Variants in EMX1 observed in about 807,000 individuals in gnomAD.
EMX1 encodes the protein homeobox protein EMX1.
A neutral mutation model predicts 20.1 loss-of-function variants in EMX1; 10 were observed. The observed-to-expected ratio is 0.50, with a 90% CI of 0.31 to 0.84. The LOEUF is 0.84. EMX1 is among the 40% of genes least tolerant of loss of function. The pLI, the probability that EMX1 is intolerant of heterozygous loss-of-function variation, is 0.05. For missense variants in EMX1, 424 were observed against 431.9 expected (o/e 0.98, Z 0.16); for synonymous variants, 250 against 200.4 (o/e 1.25, Z -2.09).
At chr2:72,925,760 C>G (rs934283415) in intron 2 of EMX1, 1 of 985,454 alleles carries the variant, frequency 1.0e-6, no homozygotes, top group Non-Finnish European at 1.2e-6. Context: ...CAGCTTTCTT[C>G]GGCGGACCTT....
Position 72,924,296 on chromosome 2 carries a change from G to T in EMX1, c.521-13G>T. On this transcript the variant is annotated splice_polypyrimidine_tract_variant and intron_variant, in intron 1 of 2. Coordinates refer to ENST00000258106, the MANE Select transcript of EMX1 (RefSeq NM_004097.3). The stretch of plus-strand genomic sequence containing the variant: ...TGTACCTGCGTGTGTTGCCGTCGGC[G>T]GCGGGGCCGCAGCCAGCGACGTGCC... 1 of 1,556,304 alleles carries T rather than the reference G, an allele frequency of 6.4e-7. No individual in the cohort carries two copies. The highest frequency in any genetic ancestry group is 8.6e-7 in the Non-Finnish European group (1 of 1,158,416).
intron 2 of EMX1, chr2:72,932,947 G>C: frequency 6.6e-6 from 1 of 152,310 alleles, no homozygotes; most frequent in East Asian, 1.9e-4. Flanking sequence ...TGCCCGTGAA[G>C]GGCAGAATGC....
At chr2:72,931,937 G>C (rs1301008039) in intron 2 of EMX1, among the ~76,000 whole-genome samples, 3 of 152,334 alleles carry the variant, frequency 2.0e-5, no homozygotes, top group Non-Finnish European at 4.4e-5. Flanking sequence ...GGGTAGGTGG[G>C]ACAGAGAGGA....
chr2:72,918,251 G>A lies in EMX1; in HGVS notation c.399G>A (p.Ala133=), dbSNP rs201380329. ...ACCCCGCGCTGACCGTGCATCCGGC[G>A]CACCAGCTGGGCGCCTCCCCGCTGC... ...MNHPALTVHP[A]HQLGASPLQP... Residue 133 remains alanine, a synonymous_variant, in exon 1 of 3, where the codon GCG becomes GCA. Transcript: ENST00000258106. 2.4e-5 allele frequency: 38 copies of A among 1,578,886 alleles called. No homozygotes were observed. In the African/African-American group the frequency reaches 3.9e-4, roughly 16 times the overall value.
chr2:72,919,406 A>C (rs1254017238), intron 1 of EMX1, among the ~76,000 whole-genome samples: 2 of 152,116 alleles, frequency 1.3e-5, no homozygotes, highest in Admixed American at 1.3e-4. Context: ...AGACCAGACC[A>C]CAGCCTTGTG....
At chr2:72,933,717 G>C in intron 2 of EMX1, 70 bp from the exon 3 acceptor site, 1 of 1,577,390 alleles carries the variant, frequency 6.3e-7, no homozygotes, top group Admixed American at 1.8e-5. Context: ...CAGCCTGAGT[G>C]TTGAGGCCCC....
chr2:72,920,609 C>T (rs185879551), intron 1 of EMX1, among the ~76,000 whole-genome samples: 2 of 152,202 alleles, frequency 1.3e-5, no homozygotes, highest in African/African-American at 4.8e-5. Flanking sequence ...ATTTCAGCCC[C>T]GTCTTAATGC....
chr2:72,918,499 G>A, intron 1 of EMX1, 127 bp downstream of exon 1: 1 of 1,249,410 alleles, frequency 8.0e-7, no homozygotes, highest in Non-Finnish European at 1.0e-6. Context: ...GTCCGCGGAG[G>A]TAGATTCCCA....
At chr2:72,926,220 C>A (rs1671198145) in intron 2 of EMX1, 1 of 985,350 alleles carries the variant, frequency 1.0e-6, no homozygotes, top group Non-Finnish European at 1.2e-6. Context: ...TCAGTGAGAG[C>A]ATTTTTAATT....
intron 1 of EMX1, among the ~76,000 whole-genome samples, chr2:72,919,416 G>A (rs998514579): frequency 3.9e-5 from 6 of 152,076 alleles, no homozygotes; most frequent in African/African-American, 1.2e-4. Flanking sequence ...ACAGCCTTGT[G>A]AGAAGGGTCT....
rs1671160464 is a variant in EMX1 at position 72,924,498 on chromosome 2, T to A, written c.705+5T>A. ...CTCAGCCTCTCCGAGACGCAGGTAA[T>A]CACCCCCGGTCGCGGCCTGCCCTGC... On this transcript the variant is annotated splice_donor_5th_base_variant and intron_variant, in intron 2 of 2. Transcript: ENST00000258106. 1 of 1,574,164 alleles carries A rather than the reference T, an allele frequency of 6.4e-7. No individual in the cohort carries two copies. Among genetic ancestry groups the A allele is most frequent in the Non-Finnish European group, 8.6e-7 (1 of 1,164,992 alleles).
chr2:72,922,593 G>A lies in EMX1; in HGVS notation c.521-1716G>A, dbSNP rs148850692. Among the ~76,000 whole-genome samples the A allele has an allele frequency of 1.9e-3, 288 of 152,338 alleles. 4 individuals are homozygous for A. Among genetic ancestry groups the A allele is most frequent in the Middle Eastern group, 0.014 (4 of 292 alleles). ...ATAAGGTGACTGGAGATTATTGACT[G>A]ACCCCTTCCAGGCACTAGCCCCGCA... On this transcript the variant is annotated intron_variant, in intron 1 of 2. Coordinates refer to ENST00000258106, the MANE Select transcript of EMX1 (RefSeq NM_004097.3).
chr2:72,932,000 G>T lies in EMX1; in HGVS notation c.706-1787G>T, dbSNP rs543359200. On this transcript the variant is annotated intron_variant, in intron 2 of 2. Coordinates refer to ENST00000258106, the MANE Select transcript of EMX1 (RefSeq NM_004097.3). ...CCTCCTGGGCATGAAACCATCTGCA[G>T]GGCACAGGGGCCAGGCCTGCCTCTG... is the stretch of plus-strand genomic sequence containing the variant. Among the ~76,000 whole-genome samples the T allele has an allele frequency of 2.0e-5, 3 of 152,354 alleles. No homozygotes were observed. The South Asian group carries it at 6.2e-4, about 32-fold the overall frequency.
At chr2:72,919,745 CTT>C (rs144882143) in intron 1 of EMX1, among the ~76,000 whole-genome samples, 4,479 of 152,292 alleles carry the variant, frequency 0.029, 211 homozygotes, top group African/African-American at 0.1. Context: ...CTTGCCTCCT[CTT>C]TGAAGATTTC....
Position 72,918,119 on chromosome 2 carries a change from C to G in EMX1, c.267C>G (p.Ser89Arg). 1.4e-6 allele frequency: 2 copies of G among 1,480,206 alleles called. No homozygotes were observed. Among genetic ancestry groups the G allele is most frequent in the Non-Finnish European group, 1.8e-6 (2 of 1,126,400 alleles). The allele number at this position is 1,480,206 out of a possible 1,614,324, so 91.7% of individuals were successfully genotyped here. The change falls in exon 1 of 3, where the codon AGC (serine) becomes AGG (arginine). Residue 89 changes from serine (S) to arginine (R), a missense_variant. Physicochemically the swap from Ser to Arg is moderately radical, Grantham distance 110 (BLOSUM62 -1). This residue lies in a region of EMX1 where 333 missense variants were observed against 296.6 expected (regional missense o/e 1.12). Transcript: ENST00000258106. The part of the protein sequence containing the change: ...RPTALNYPHP[S>R]AAEAAFVSGF... ...CGGCGCTCAACTACCCTCACCCCAG[C>G]GCGGCCGAGGCGGCCTTCGTGAGTG...
intron 1 of EMX1, among the ~76,000 whole-genome samples, chr2:72,919,250 A>G (rs373250019): frequency 3.3e-5 from 5 of 152,188 alleles, no homozygotes; most frequent in Admixed American, 2.0e-4. Context: ...CGGAGAAAAG[A>G]GAGTTGCATT....
chr2:72,917,981 T>C lies in EMX1; in HGVS notation c.129T>C (p.Phe43=). ...TMFQPAAKRG[F]TIESLVAKDG... Reference sequence around the variant, plus strand: ...TCCAGCCCGCGGCCAAGCGCGGCTTTACCATAGAGTCCTTGGTGGCCAAGG... The same window carrying C: ...TCCAGCCCGCGGCCAAGCGCGGCTTCACCATAGAGTCCTTGGTGGCCAAGG... The change falls in exon 1 of 3, where the codon TTT becomes TTC. Residue 43 remains phenylalanine, a synonymous_variant. Transcript: ENST00000258106. 6.7e-7 allele frequency: 1 copy of C among 1,484,614 alleles called. No homozygotes were observed. Among genetic ancestry groups the C allele is most frequent in the Non-Finnish European group, 8.9e-7 (1 of 1,125,180 alleles). The allele number at this position is 1,484,614 out of a possible 1,614,324, so 92.0% of individuals were successfully genotyped here. A position where few individuals can be genotyped will look rare whatever the true frequency, so the allele number is the denominator to read the frequency against.
rs796701547 is a variant in EMX1, at chr2:72,924,195, A to AGGGCAGGGCGCTTGG, written c.521-112_521-98dup. On this transcript the variant is annotated intron_variant, in intron 1 of 2. Coordinates refer to ENST00000258106, the MANE Select transcript of EMX1 (RefSeq NM_004097.3). ...TGTGTGTGCGTGTCAAGGAATGGAG[A>AGGGCAGGGCGCTTGG]GGGCAGGGCGCTTGGGAGCAGGGCG... 20 of 1,312,078 alleles carry AGGGCAGGGCGCTTGG rather than the reference A, an allele frequency of 1.5e-5. No homozygotes were observed. The East Asian group carries it at 2.3e-4, about 15-fold the overall frequency. The allele number at this position is 1,312,078 out of a possible 1,614,324, so 81.3% of individuals were successfully genotyped here. A position where few individuals can be genotyped will look rare whatever the true frequency, so the allele number is the denominator to read the frequency against.
intron 1 of EMX1, among the ~76,000 whole-genome samples, chr2:72,921,406 C>T (rs1250112400): frequency 2.6e-5 from 4 of 152,208 alleles, no homozygotes; most frequent in Non-Finnish European, 5.9e-5. Flanking sequence ...CAAGTTTGTT[C>T]TGCCCTTGTG....
Sources: allele counts gnomAD v4.1 joint callset (sites outside exome capture counted in the v4.1 genomes callset), GRCh38; gene constraint gnomAD v4.1.1; regional missense constraint gnomAD v4.1.1; transcripts MANE v1.5; gene names NCBI Gene and HGNC (gene_info 2026-07-23, HGNC 2026-07-21).